The following PAX6 variants were observed in gnomAD, a reference collection of about 807,000 sequenced individuals.
The protein encoded by PAX6 is paired box protein Pax-6.
Under a neutral mutation model 60.7 loss-of-function variants are expected in PAX6, and 7 were observed. The observed-to-expected ratio is 0.12, with a 90% confidence interval of 0.07 to 0.22. PAX6 has a LOEUF of 0.22. Ranked by LOEUF, PAX6 falls within the 10% of genes least tolerant of loss-of-function variation. The probability of loss-of-function intolerance (pLI) is 1.00; values close to 1 mark genes in which losing one functional copy is unlikely to be tolerated. For missense variants in PAX6, 355 were observed against 555.2 expected, an observed-to-expected ratio of 0.64 and a Z score of 3.62; for synonymous variants, 208 against 201.2, an observed-to-expected ratio of 1.03 and a Z score of -0.29.
chr11:31,798,666 G>C (rs1379566625), intron 8 of PAX6, among the ~76,000 whole-genome samples: 3 of 151,728 alleles, frequency 2.0e-5, no homozygotes, highest in Non-Finnish European at 2.9e-5. Flanking sequence ...ACTTGCGGGT[G>C]GGGGGGTGGT....
At position 31,789,690 on chromosome 11, in the gene PAX6, A is replaced by G. The variant is rs1291379969; in HGVS notation, c.*244T>C. 1.4e-6 allele frequency: 1 copy of G among 703,048 alleles called. No homozygotes were observed. The highest frequency in any genetic ancestry group is 2.0e-5 in the Admixed American group (1 of 49,944). 43.6% of individuals were successfully genotyped at this position (703,048 alleles called of 1,614,324 possible). On this transcript the variant is annotated 3_prime_UTR_variant, in exon 14 of 14. Transcript: ENST00000640368. ...GCCCATTTACAAATAATACACCAAA[A>G]TGAATAAAAGTTTGGATACCAAAAT...
At chr11:31,815,014 CTCTCTCTCTCTCTCTT>C (rs1202081301), upstream of PAX6, 67 of 151,900 alleles carry the variant, frequency 4.4e-4, no homozygotes, top group African/African-American at 1.6e-3. Flanking sequence ...CTCTCTCTCT[CTCTCTCTCTCTCTCTT>C]TCTCTCTCTG....
chr11:31,801,143 G>T, intron 7 of PAX6: 2 of 1,045,438 alleles, frequency 1.9e-6, no homozygotes, highest in Non-Finnish European at 2.6e-6. Flanking sequence ...TTAAAAGACT[G>T]CCCGAAAATA....
At chr11:31,817,775 C>G (rs1031470380) in intron 1 of PAX6, 1 of 152,326 alleles carries the variant, frequency 6.6e-6, no homozygotes, top group African/African-American at 2.4e-5. Flanking sequence ...CCGCGGGCCC[C>G]GAGCCGGGCC....
upstream of PAX6, chr11:31,814,819 C>G (rs1957296210): frequency 6.6e-6 from 1 of 152,438 alleles, no homozygotes. Flanking sequence ...CCTAGAAAAG[C>G]CAAGAAGATC....
chr11:31,806,732 G>A (rs1226301870), intron 3 of PAX6, 117 bp downstream of exon 3: 5 of 392,662 alleles, frequency 1.3e-5, no homozygotes, highest in Non-Finnish European at 2.3e-5. Flanking sequence ...CAGTAGAAGC[G>A]ATGCCCCAAT....
chr11:31,801,319 T>C, intron 7 of PAX6: 2 of 1,427,742 alleles, frequency 1.4e-6, no homozygotes, highest in Non-Finnish European at 1.8e-6. Context: ...CCCTGGTGCC[T>C]CCGCCCTCTG....
At chr11:31,804,787 G>GGGCGCGTAA (rs1268331014) in intron 4 of PAX6, 2 of 152,262 alleles carry the variant, frequency 1.3e-5, no homozygotes, top group African/African-American at 4.8e-5. Flanking sequence ...ATGCCAAGGC[G>GGGCGCGTAA]GGCGCGTAAG....
chr11:31,801,963 C>T (rs1038450004), intron 5 of PAX6, 51 bp from the exon 6 acceptor site: 4 of 1,453,714 alleles, frequency 2.8e-6, no homozygotes, highest in African/African-American at 2.8e-5. Context: ...CTGTAGAGAG[C>T]TTTTTTTCTT....
intron 8 of PAX6, among the ~76,000 whole-genome samples, chr11:31,799,755 C>T (rs984947795): frequency 2.0e-5 from 3 of 152,164 alleles, no homozygotes; most frequent in Admixed American, 2.0e-4. Context: ...CCGCGCGCCG[C>T]CCCTGGCCCC....
At chr11:31,806,215 G>A in intron 4 of PAX6, 187 bp downstream of exon 4, 1 of 572,240 alleles carries the variant, frequency 1.7e-6, no homozygotes, top group Non-Finnish European at 3.0e-6. Context: ...GTATCGAGAA[G>A]AGCCAAGCAA....
chr11:31,793,002 A>G (rs1440537801), intron 12 of PAX6: 4 of 503,376 alleles, frequency 7.9e-6, no homozygotes, highest in Non-Finnish European at 3.6e-6. Context: ...ACATATACCC[A>G]AAGTAATGCC....
intron 1 of PAX6, chr11:31,816,714 C>T (rs1957397089): frequency 1.2e-5 from 8 of 690,986 alleles, no homozygotes; most frequent in Non-Finnish European, 1.8e-5. Context: ...CGCCACCGCT[C>T]GGAGTCGGGC....
chr11:31,797,150 G>T (rs987621161), intron 8 of PAX6, among the ~76,000 whole-genome samples: 1 of 144,230 alleles, frequency 6.9e-6, no homozygotes, highest in Admixed American at 6.7e-5. Flanking sequence ...ATGGGGTGGG[G>T]GACACTGAGG....
In PAX6 at chr11:31,789,491, C is replaced by CT; in HGVS notation, c.*442dup. The CT allele has an allele frequency of 1.8e-6, 1 of 560,198 alleles. No individual in the cohort carries two copies. Among genetic ancestry groups the CT allele is most frequent in the Non-Finnish European group, 3.1e-6 (1 of 319,778 alleles). The allele number at this position is 560,198 out of a possible 1,614,324, so 34.7% of individuals were successfully genotyped here. A position where few individuals can be genotyped will look rare whatever the true frequency, so the allele number is the denominator to read the frequency against. ...CAAACTTGGAACATCAGTCCATAAA[C>CT]TATGAACAGATGGGTAGAAGTATTC... is the stretch of plus-strand genomic sequence containing the variant. On this transcript the variant is annotated 3_prime_UTR_variant, in exon 14 of 14. Transcript: ENST00000640368.
intron 8 of PAX6, among the ~76,000 whole-genome samples, chr11:31,798,913 C>A (rs928440327): frequency 1.3e-5 from 2 of 152,206 alleles, no homozygotes; most frequent in Admixed American, 6.5e-5. Context: ...GTGTATCCTG[C>A]GCCCCAAGCT....
intron 11 of PAX6, 22 bp from the exon 12 acceptor site, chr11:31,793,575 G>A (rs781770403): frequency 7.4e-6 from 12 of 1,613,062 alleles, no homozygotes; most frequent in Middle Eastern, 1.6e-4. Flanking sequence ...AGAAATGACA[G>A]TAGTCAGAGT....
chr11:31,802,149 C>G (rs939985187), intron 5 of PAX6: 1 of 532,326 alleles, frequency 1.9e-6, no homozygotes, highest in Admixed American at 3.5e-5. Context: ...CTTAAAGTGG[C>G]GTTATGTTTT....
intron 2 of PAX6, chr11:31,807,580 T>C (rs955353255): frequency 6.6e-6 from 1 of 152,316 alleles, no homozygotes; most frequent in Admixed American, 6.5e-5. Flanking sequence ...AACTTCTCTT[T>C]TGGCGTTTAG....
Sources: allele counts gnomAD v4.1 joint callset (sites outside exome capture counted in the v4.1 genomes callset), GRCh38; gene constraint gnomAD v4.1.1; transcripts MANE v1.5; gene names NCBI Gene and HGNC (gene_info 2026-07-23, HGNC 2026-07-21).